The following CFAP54 variants were observed in gnomAD, a reference collection of about 807,000 sequenced individuals.
CFAP54 encodes cilia- and flagella-associated protein 54.
A neutral mutation model predicts 370.4 loss-of-function variants in CFAP54; 290 were observed. The observed-to-expected ratio is 0.78, with a 90% CI of 0.71 to 0.86. The LOEUF (loss-of-function observed/expected upper bound fraction) is 0.86, where lower values mean the gene tolerates loss of function less well. Ranked by LOEUF, CFAP54 falls within the 40% of genes least tolerant of loss-of-function variation. The pLI, the probability that CFAP54 is intolerant of heterozygous loss-of-function variation, is 0.00. For missense variants in CFAP54, 3,399 were observed against 3,528.7 expected (o/e 0.96, Z 0.93); for synonymous variants, 1,206 against 1,236.5 (o/e 0.98, Z 0.52).
chr12:96,835,073 G>A (rs1959181845), intron 66 of CFAP54, among the ~76,000 whole-genome samples: 1 of 152,154 alleles, frequency 6.6e-6, no homozygotes, highest in Middle Eastern at 3.4e-3. Context: ...TGTGGAGTGG[G>A]TTGCTCCTCT....
chr12:96,494,946 C>T (rs1473445642), intron 1 of CFAP54, among the ~76,000 whole-genome samples: 5 of 151,948 alleles, frequency 3.3e-5, no homozygotes, highest in South Asian at 2.1e-4. Context: ...AGGATGGTCT[C>T]GATATCTTGA....
rs1453152401 is a variant in CFAP54 at position 96,649,891 on chromosome 12, A to G, written c.4691A>G (p.Asp1564Gly). 6 of 1,583,154 alleles carry G rather than the reference A, an allele frequency of 3.8e-6. No homozygotes were observed. Among genetic ancestry groups the G allele is most frequent in the Non-Finnish European group, 5.2e-6 (6 of 1,161,268 alleles). ...GTCATATCTTATTTTTGTACTGTAG[A>G]TGCTGAAGAATTTTCTACATTTATT... ...AKKRKANLPS[D>G]AEEFSTFINS... Residue 1564 changes from aspartate to glycine, a missense_variant and splice_region_variant, in exon 35 of 68, where the codon GAT (aspartate) becomes GGT (glycine). By Grantham distance (94) the Asp-to-Gly change is moderately conservative (BLOSUM62 -1). Coordinates refer to ENST00000524981, the MANE Select transcript of CFAP54 (RefSeq NM_001306084.2).
chr12:96,669,690 G>A (rs1407445841), intron 39 of CFAP54, among the ~76,000 whole-genome samples: 1 of 152,166 alleles, frequency 6.6e-6, no homozygotes. Flanking sequence ...CAGGTTAGAG[G>A]AAAAGGTCGC....
chr12:96,518,964 G>C lies in CFAP54; in HGVS notation c.835G>C (p.Glu279Gln), dbSNP rs1955271698. ...TCTCCTGTGGGCCAGCATGTGTATGGAGTCCTTGGTCCCGCTCCTGTCACT... is the reference window on the plus strand; with the variant it reads ...TCTCCTGTGGGCCAGCATGTGTATGCAGTCCTTGGTCCCGCTCCTGTCACT... ...EYLLWASMCM[E>Q]SLVPLLSLRY... The change falls in exon 6 of 68, where the codon GAG becomes CAG. Residue 279 changes from glutamate (E) to glutamine (Q), a missense_variant. This residue lies in a region of CFAP54 where 559 missense variants were observed against 576.7 expected (regional missense o/e 0.97). Coordinates refer to ENST00000524981, the MANE Select transcript of CFAP54 (RefSeq NM_001306084.2). 6.5e-7 allele frequency: 1 copy of C among 1,535,798 alleles called. No individual in the cohort carries two copies. Among genetic ancestry groups the C allele is most frequent in the South Asian group, 1.2e-5 (1 of 84,046 alleles).
chr12:96,506,478 T>C (rs556762498), intron 3 of CFAP54, among the ~76,000 whole-genome samples: 6 of 152,118 alleles, frequency 3.9e-5, no homozygotes, highest in Admixed American at 3.9e-4. Flanking sequence ...TTTTTTACAC[T>C]AATCTATTAA....
intron 48 of CFAP54, among the ~76,000 whole-genome samples, chr12:96,714,330 C>T (rs958001546): frequency 2.0e-5 from 3 of 152,056 alleles, no homozygotes; most frequent in Non-Finnish European, 2.9e-5. Context: ...GAGGAACTAA[C>T]GAGTAGATAG....
intron 26 of CFAP54, among the ~76,000 whole-genome samples, chr12:96,615,643 A>C (rs529154961): frequency 1.3e-5 from 2 of 152,256 alleles, no homozygotes; most frequent in African/African-American, 4.8e-5. Flanking sequence ...CGGAATCTAC[A>C]AAGAACTCAA....
chr12:96,830,710 G>C (rs1005833621), intron 66 of CFAP54, among the ~76,000 whole-genome samples: 1 of 152,000 alleles, frequency 6.6e-6, no homozygotes, highest in Non-Finnish European at 1.5e-5. Flanking sequence ...ATGGAATCTT[G>C]CTCTGTCACC....
chr12:96,813,785 C>T (rs1168556013), intron 64 of CFAP54, among the ~76,000 whole-genome samples: 4 of 152,194 alleles, frequency 2.6e-5, no homozygotes, highest in Non-Finnish European at 5.9e-5. Context: ...TAAATTAGAG[C>T]AGCGGCTGTG....
At chr12:96,591,612 G>A (rs559008096) in intron 23 of CFAP54, among the ~76,000 whole-genome samples, 8 of 151,996 alleles carry the variant, frequency 5.3e-5, no homozygotes, top group South Asian at 4.1e-4. Flanking sequence ...TTTTTTGGCC[G>A]GGCGCGGTGG....
At chr12:96,623,495 G>T (rs114375428) in intron 27 of CFAP54, among the ~76,000 whole-genome samples, 3 of 152,278 alleles carry the variant, frequency 2.0e-5, no homozygotes, top group African/African-American at 7.2e-5. Flanking sequence ...TTTGGAGGGG[G>T]CTGGTTAGGT....
chr12:96,490,311 TAGCAAAATTA>T (rs1369821493), intron 1 of CFAP54, among the ~76,000 whole-genome samples: 1 of 152,132 alleles, frequency 6.6e-6, no homozygotes, highest in Non-Finnish European at 1.5e-5. Flanking sequence ...GCAGAATGAA[TAGCAAAATTA>T]AGAAAAAGTC....
chr12:96,643,747 A>G (rs1172203778), intron 32 of CFAP54, among the ~76,000 whole-genome samples: 1 of 152,192 alleles, frequency 6.6e-6, no homozygotes, highest in Non-Finnish European at 1.5e-5. Context: ...TCTAGAGTCT[A>G]ACTAATGTTA....
At chr12:96,551,290 C>T (rs1345216999) in intron 15 of CFAP54, among the ~76,000 whole-genome samples, 1 of 151,650 alleles carries the variant, frequency 6.6e-6, no homozygotes, top group Admixed American at 6.6e-5. Flanking sequence ...TCCCCAAACC[C>T]AAAAAAACCC....
rs139987675 is a variant in CFAP54 at position 96,789,129 on chromosome 12, A to G, written c.8679+2231A>G. ...TGGCCTCATATTATTGGGTCATTTCAGGCTCCTCATGTGGGGACAGGCTCC... is the reference window on the plus strand; with the variant it reads ...TGGCCTCATATTATTGGGTCATTTCGGGCTCCTCATGTGGGGACAGGCTCC... On this transcript the variant is annotated intron_variant, in intron 62 of 67. Coordinates refer to ENST00000524981, the MANE Select transcript of CFAP54 (RefSeq NM_001306084.2). 6.5e-4 allele frequency among the ~76,000 whole-genome samples: 99 copies of G among 152,334 alleles called. 1 individual carries two copies. The highest frequency in any genetic ancestry group is 2.3e-3 in the African/African-American group (95 of 41,582).
chr12:96,788,432 A>G (rs1194403534), intron 62 of CFAP54, among the ~76,000 whole-genome samples: 2 of 152,344 alleles, frequency 1.3e-5, no homozygotes, highest in Non-Finnish European at 2.9e-5. Context: ...AAACTAGAAA[A>G]AAATCACTGA....
intron 67 of CFAP54, among the ~76,000 whole-genome samples, chr12:96,861,661 T>G (rs1004880003): frequency 6.6e-6 from 1 of 152,244 alleles, no homozygotes; most frequent in African/African-American, 2.4e-5. Context: ...GAGAATTAAC[T>G]TAAATTCTGT....
chr12:96,541,314 T>C (rs1592841200), intron 14 of CFAP54, among the ~76,000 whole-genome samples: 1 of 150,400 alleles, frequency 6.6e-6, no homozygotes, highest in Admixed American at 6.6e-5. Flanking sequence ...GAGACGGAGT[T>C]TTGCTCTGTT....
chr12:96,619,239 C>T (rs999441177), intron 26 of CFAP54, among the ~76,000 whole-genome samples: 1 of 152,016 alleles, frequency 6.6e-6, no homozygotes, highest in Non-Finnish European at 1.5e-5. Context: ...TGATTTTGTC[C>T]CTAATATGTT....
Sources: allele counts gnomAD v4.1 joint callset (sites outside exome capture counted in the v4.1 genomes callset), GRCh38; gene constraint gnomAD v4.1.1; regional missense constraint gnomAD v4.1.1; transcripts MANE v1.5; gene names NCBI Gene and HGNC (gene_info 2026-07-23, HGNC 2026-07-21).